The following CAST variants were observed in gnomAD, a reference collection of about 807,000 sequenced individuals.
CAST encodes the protein calpastatin, also known as MIR583 host.
In CAST, 76 loss-of-function variants were observed where a neutral mutation model predicts 119.6. The ratio of observed to expected loss-of-function variants is 0.64; its 90% confidence interval spans 0.53 to 0.77. The LOEUF (loss-of-function observed/expected upper bound fraction) is 0.77. Ranked by LOEUF, CAST falls within the 30% of genes least tolerant of loss-of-function variation. The pLI is 0.00. For missense variants in CAST, 953 were observed against 946.5 expected, an observed-to-expected ratio of 1.01 and a Z score of -0.09; for synonymous variants, 319 against 331.6, an observed-to-expected ratio of 0.96 and a Z score of 0.41.
chr5:95,996,174 T>C, the CAST span, among the ~76,000 whole-genome samples: 1 of 152,068 alleles, frequency 6.6e-6, no homozygotes, highest in Admixed American at 6.6e-5. Context: ...AGAAGTGAGA[T>C]ATAGGAAGAT....
chr5:96,375,910 T>TAAAA, the CAST span, among the ~76,000 whole-genome samples: 8 of 147,296 alleles, frequency 5.4e-5, no homozygotes, highest in Non-Finnish European at 1.2e-4. Context: ...TATATATATA[T>TAAAA]ATAAATATAT....
At chr5:96,737,456 A>G (rs1041279465) in intron 10 of CAST, among the ~76,000 whole-genome samples, 2 of 152,324 alleles carry the variant, frequency 1.3e-5, no homozygotes, top group Admixed American at 6.5e-5. Flanking sequence ...AGCAATAAAT[A>G]CCAAGCATTT....
At chr5:96,547,112 A>G (rs1746033978) in intron 1 of CAST, among the ~76,000 whole-genome samples, 1 of 137,484 alleles carries the variant, frequency 7.3e-6, no homozygotes, top group South Asian at 2.5e-4. Flanking sequence ...ATGCAGTAAA[A>G]ATAGTATATT....
chr5:96,723,595 A>G (rs779132701), intron 4 of CAST, among the ~76,000 whole-genome samples: 23 of 152,166 alleles, frequency 1.5e-4, no homozygotes, highest in Non-Finnish European at 3.2e-4. Context: ...AATTAAAAAT[A>G]AAAGAATTTC....
chr5:96,499,857 C>T, the CAST span, among the ~76,000 whole-genome samples: 162 of 152,318 alleles, frequency 1.1e-3, 1 homozygote, highest in African/African-American at 3.7e-3. Context: ...ACTTTCCTCA[C>T]TAAGCTTAAT....
chr5:96,612,519 C>T (rs1332323965), intron 1 of CAST, among the ~76,000 whole-genome samples: 3 of 152,114 alleles, frequency 2.0e-5, no homozygotes, highest in Non-Finnish European at 4.4e-5. Context: ...GAAGCCCAAA[C>T]CTCAGCATTT....
chr5:96,026,629 A>G, the CAST span, among the ~76,000 whole-genome samples: 2 of 152,348 alleles, frequency 1.3e-5, no homozygotes, highest in Non-Finnish European at 2.9e-5. Flanking sequence ...TGAGAAAAGC[A>G]GAATGCTTCA....
At chr5:96,123,453 A>G in the CAST span, among the ~76,000 whole-genome samples, 1 of 152,166 alleles carries the variant, frequency 6.6e-6, no homozygotes, top group Non-Finnish European at 1.5e-5. Context: ...GGGTTAAAAC[A>G]AAATCATGAT....
At chr5:96,286,944 A>G in the CAST span, among the ~76,000 whole-genome samples, 1 of 152,134 alleles carries the variant, frequency 6.6e-6, no homozygotes, top group Admixed American at 6.5e-5. Context: ...AACATTATCC[A>G]TTTTGTGAGT....
At chr5:96,226,268 A>T in the CAST span, among the ~76,000 whole-genome samples, 1 of 152,236 alleles carries the variant, frequency 6.6e-6, no homozygotes, top group Non-Finnish European at 1.5e-5. Context: ...AAGCCAGGGG[A>T]CCAGGACCTT....
At chr5:96,513,071 TGGGTCCTGATTATCATTCATTCTC>T in the CAST span, among the ~76,000 whole-genome samples, 2 of 152,222 alleles carry the variant, frequency 1.3e-5, no homozygotes, top group Non-Finnish European at 2.9e-5. Context: ...ATCACTCATT[TGGGTCCTGATTATCATTCATTCTC>T]GGGTCCTGAT....
the CAST span, among the ~76,000 whole-genome samples, chr5:96,428,722 A>G: frequency 6.6e-6 from 1 of 152,210 alleles, no homozygotes; most frequent in Non-Finnish European, 1.5e-5. Context: ...GCAAAACCAA[A>G]TAGAAATAAT....
the CAST span, among the ~76,000 whole-genome samples, chr5:96,374,177 G>A: frequency 6.6e-6 from 1 of 152,170 alleles, no homozygotes; most frequent in African/African-American, 2.4e-5. Context: ...TAACACCAAA[G>A]CAATGTCTGC....
intron 1 of CAST, among the ~76,000 whole-genome samples, chr5:96,587,311 A>G (rs1382744479): frequency 6.6e-6 from 1 of 152,190 alleles, no homozygotes; most frequent in Non-Finnish European, 1.5e-5. Flanking sequence ...CAAATCCTAC[A>G]CACCAATAGA....
intron 25 of CAST, among the ~76,000 whole-genome samples, 173 bp from the exon 26 acceptor site, chr5:96,765,048 T>G (rs1769364150): frequency 6.6e-6 from 1 of 151,984 alleles, no homozygotes; most frequent in African/African-American, 2.4e-5. Context: ...TCTCCTGATC[T>G]TCCATTCCTA....
the CAST span, among the ~76,000 whole-genome samples, chr5:95,993,496 C>G: frequency 2.6e-5 from 4 of 151,998 alleles, no homozygotes; most frequent in Non-Finnish European, 5.9e-5. Context: ...GGGTGTGGCC[C>G]AAGATGCTGA....
the CAST span, among the ~76,000 whole-genome samples, chr5:96,250,966 A>G: frequency 2.0e-5 from 3 of 152,102 alleles, no homozygotes; most frequent in Non-Finnish European, 2.9e-5. Context: ...GTACAGAGGT[A>G]CAAAGGTACA....
rs551485129 is a variant in CAST, at chr5:96,772,621, T to G, written c.*24-19T>G. On this transcript the variant is annotated intron_variant, in intron 31 of 31. Transcript: ENST00000675179. Reference sequence around the variant, plus strand: ...ACATATTAAATGATTCACTGCATTTTTTATTTGAAATTTTTAAGGTATCTG... The same window carrying G: ...ACATATTAAATGATTCACTGCATTTGTTATTTGAAATTTTTAAGGTATCTG... 1 of 152,878 alleles carries G rather than the reference T, an allele frequency of 6.5e-6. No individual in the cohort carries two copies. Among genetic ancestry groups the G allele is most frequent in the African/African-American group, 2.4e-5 (1 of 41,588 alleles). 9.5% of individuals were successfully genotyped at this position (152,878 alleles called of 1,614,324 possible). A position where few individuals can be genotyped will look rare whatever the true frequency, so the allele number is the denominator to read the frequency against.
At chr5:96,562,526 G>A (rs1403980031) in intron 1 of CAST, among the ~76,000 whole-genome samples, 1 of 152,098 alleles carries the variant, frequency 6.6e-6, no homozygotes. Flanking sequence ...CATACATACT[G>A]GGCGGGAGTA....
Sources: allele counts gnomAD v4.1 joint callset (sites outside exome capture counted in the v4.1 genomes callset), GRCh38; gene constraint gnomAD v4.1.1; transcripts MANE v1.5; gene names NCBI Gene and HGNC (gene_info 2026-07-23, HGNC 2026-07-21).